PDE10A: variants seen among roughly 807,000 people sequenced by gnomAD.
PDE10A encodes cAMP and cAMP-inhibited cGMP 3',5'-cyclic phosphodiesterase 10A.
PDE10A carries 39 observed loss-of-function variants against 97.7 expected under a neutral mutation model. That is an observed-to-expected ratio of 0.40 (90% CI 0.31 to 0.52). PDE10A has a LOEUF of 0.52. PDE10A is among the 20% of genes least tolerant of loss of function. The pLI is 0.56. For missense variants in PDE10A, 731 were observed against 1,047.8 expected, an observed-to-expected ratio of 0.70 and a Z score of 4.17; for synonymous variants, 371 against 376.8, an observed-to-expected ratio of 0.98 and a Z score of 0.18.
At chr6:165,954,054 G>C (rs1311214311) in intron 1 of PDE10A, among the ~76,000 whole-genome samples, 1 of 152,172 alleles carries the variant, frequency 6.6e-6, no homozygotes, top group Non-Finnish European at 1.5e-5. Flanking sequence ...TGTATTTGGG[G>C]TTCCTTGCTG....
At chr6:165,813,192 G>A (rs934468968) in intron 1 of PDE10A, among the ~76,000 whole-genome samples, 4 of 152,156 alleles carry the variant, frequency 2.6e-5, no homozygotes, top group African/African-American at 7.2e-5. Context: ...GTCTAGATGA[G>A]CCTTTAAACT....
chr6:165,812,013 C>T lies in PDE10A; in HGVS notation c.-615+175516G>A, dbSNP rs149294460. On this transcript the variant is annotated intron_variant, in intron 1 of 19. Transcript: ENST00000366882. ...GATTACAGGCACACGCCACCATGCC[C>T]GGTTAATTATTTGTATTTTTAATAG... 5.0e-3 allele frequency among the ~76,000 whole-genome samples: 762 copies of T among 152,126 alleles called. 5 individuals carry two copies. The highest frequency in any genetic ancestry group is 0.018 in the African/African-American group (727 of 41,498).
intron 1 of PDE10A, among the ~76,000 whole-genome samples, chr6:165,787,942 A>G (rs1166116976): frequency 6.6e-6 from 1 of 152,232 alleles, no homozygotes; most frequent in Admixed American, 6.5e-5. Context: ...CTTGTTTGCT[A>G]TATTATAGCA....
chr6:165,615,871 T>C (rs1473644528), intron 1 of PDE10A, among the ~76,000 whole-genome samples: 3 of 152,184 alleles, frequency 2.0e-5, no homozygotes, highest in Non-Finnish European at 4.4e-5. Flanking sequence ...CATGTTCTGA[T>C]TGGGTTTGCA....
At chr6:165,435,732 C>T (rs770419938) in intron 5 of PDE10A, among the ~76,000 whole-genome samples, 2 of 152,274 alleles carry the variant, frequency 1.3e-5, no homozygotes, top group African/African-American at 4.8e-5. Flanking sequence ...CAGGGTCCAA[C>T]CTCCCTACAG....
chr6:165,517,762 C>T (rs1781898077), intron 2 of PDE10A, among the ~76,000 whole-genome samples: 1 of 152,170 alleles, frequency 6.6e-6, no homozygotes, highest in African/African-American at 2.4e-5. Flanking sequence ...CAAAAAAGTG[C>T]CATTCTTCAT....
chr6:165,694,166 C>T (rs577464258), intron 1 of PDE10A, among the ~76,000 whole-genome samples: 4 of 152,266 alleles, frequency 2.6e-5, no homozygotes, highest in South Asian at 4.1e-4. Context: ...GCCGTGCACA[C>T]GTATATCTCA....
At chr6:165,502,225 A>C (rs1293114402) in intron 2 of PDE10A, among the ~76,000 whole-genome samples, 1 of 152,232 alleles carries the variant, frequency 6.6e-6, no homozygotes, top group Non-Finnish European at 1.5e-5. Flanking sequence ...CCTACAGTAG[A>C]CATAAAAGAC....
At chr6:165,350,718 A>G (rs936839905) in intron 18 of PDE10A, among the ~76,000 whole-genome samples, 5 of 152,146 alleles carry the variant, frequency 3.3e-5, no homozygotes, top group African/African-American at 1.2e-4. Context: ...GAGATAATTG[A>G]AACATGGGGG....
rs367906686 is a variant in PDE10A, at chr6:165,859,194, A to G, written c.-615+128335T>C. Among the ~76,000 whole-genome samples the G allele has an allele frequency of 1.2e-4, 18 of 152,372 alleles. No homozygotes were observed. In the South Asian group the frequency reaches 3.7e-3, roughly 32 times the overall value. On this transcript the variant is annotated intron_variant, in intron 1 of 19. Coordinates refer to the PDE10A transcript ENST00000366882. ...ATCCAGTGCTGATTCATGAACACTG[A>G]AACTCACGCCAGGATGAAGGTCCTC...
intron 1 of PDE10A, among the ~76,000 whole-genome samples, chr6:165,681,147 T>C (rs527784144): frequency 6.6e-6 from 1 of 152,192 alleles, no homozygotes; most frequent in Admixed American, 6.5e-5. Context: ...CGCCTGTGTT[T>C]ACAGAGCGCT....
At chr6:165,812,823 G>C (rs1201537401) in intron 1 of PDE10A, among the ~76,000 whole-genome samples, 1 of 152,026 alleles carries the variant, frequency 6.6e-6, no homozygotes, top group Non-Finnish European at 1.5e-5. Context: ...CATACAAAAA[G>C]GAAATTGACC....
At chr6:165,587,239 GGA>G (rs1785967174) in intron 1 of PDE10A, among the ~76,000 whole-genome samples, 1 of 152,130 alleles carries the variant, frequency 6.6e-6, no homozygotes, top group Non-Finnish European at 1.5e-5. Flanking sequence ...ATATGTGGGT[GGA>G]GGAATGAAAG....
chr6:165,822,116 A>C (rs1779588679), intron 1 of PDE10A, among the ~76,000 whole-genome samples: 1 of 152,244 alleles, frequency 6.6e-6, no homozygotes, highest in Admixed American at 6.5e-5. Context: ...TCAGTTGCTT[A>C]GCAACGGGGA....
chr6:165,817,746 C>T (rs1337638585), intron 1 of PDE10A, among the ~76,000 whole-genome samples: 2 of 152,102 alleles, frequency 1.3e-5, no homozygotes, highest in East Asian at 1.9e-4. Context: ...CGTTGACTGT[C>T]AATGAGTTTA....
At chr6:165,867,167 C>T (rs1781077906) in intron 1 of PDE10A, among the ~76,000 whole-genome samples, 1 of 150,742 alleles carries the variant, frequency 6.6e-6, no homozygotes, top group African/African-American at 2.4e-5. Flanking sequence ...AAGTTCCCAC[C>T]TACAAAGAAC....
intron 1 of PDE10A, among the ~76,000 whole-genome samples, chr6:165,953,723 T>C (rs994064556): frequency 3.9e-5 from 6 of 152,252 alleles, no homozygotes; most frequent in Non-Finnish European, 8.8e-5. Context: ...GCATATCTGT[T>C]ACAAGTGATG....
chr6:165,379,693 G>A (rs78347681), intron 17 of PDE10A, among the ~76,000 whole-genome samples: 1 of 152,068 alleles, frequency 6.6e-6, no homozygotes, highest in South Asian at 2.1e-4. Context: ...ACTTGAAAAT[G>A]TAAAATATTT....
At chr6:165,638,026 C>T (rs767916738) in intron 1 of PDE10A, among the ~76,000 whole-genome samples, 1 of 152,088 alleles carries the variant, frequency 6.6e-6, no homozygotes. Context: ...CCTCGCCTGC[C>T]GTTAGCAGAT....
Sources: gnomAD v4.1 joint callset for allele counts (sites outside exome capture counted in the v4.1 genomes callset) on GRCh38, gnomAD v4.1.1 for gene constraint, MANE v1.5 for transcripts, NCBI Gene and HGNC (gene_info 2026-07-23, HGNC 2026-07-21) for gene names.